Variants in PSMF1 observed in about 807,000 individuals in gnomAD.
PSMF1 encodes proteasome inhibitor subunit 1.
In PSMF1, 30 loss-of-function variants were observed where a neutral mutation model predicts 29.3. The ratio of observed to expected loss-of-function variants is 1.02; its 90% CI spans 0.77 to 1.39. The LOEUF (loss-of-function observed/expected upper bound fraction) is 1.39. Ranked by LOEUF, PSMF1 falls within the 40% of genes most tolerant of loss-of-function variation. The probability of loss-of-function intolerance (pLI) is 0.00; values close to 1 mark genes in which losing one functional copy is unlikely to be tolerated. For missense variants in PSMF1, 344 were observed against 357.5 expected (o/e 0.96, Z 0.31); for synonymous variants, 134 against 139.7 (o/e 0.96, Z 0.29).
At chr20:1,144,099 G>GA (rs984753727) in intron 4 of PSMF1, among the ~76,000 whole-genome samples, 5 of 151,702 alleles carry the variant, frequency 3.3e-5, no homozygotes, top group Admixed American at 6.6e-5. Flanking sequence ...CCCAAAAAAA[G>GA]AAAAAAATGG....
rs1180147729 is a variant in PSMF1, at chr20:1,168,905, A to C, written c.*3825A>C. On this transcript the variant is annotated 3_prime_UTR_variant, in exon 7 of 7. Coordinates refer to ENST00000335877, the MANE Select transcript of PSMF1 (RefSeq NM_006814.5). ...TATCCCCAGCTGTTTCTGTCATAAA[A>C]CTTGCATGTGTATAAACCACTATTG... Among the ~76,000 whole-genome samples, 1 of 152,144 alleles carries C rather than the reference A, an allele frequency of 6.6e-6. No homozygotes were observed. Among genetic ancestry groups the C allele is most frequent in the Non-Finnish European group, 1.5e-5 (1 of 68,034 alleles).
chr20:1,153,977 A>G (rs1600168103), intron 4 of PSMF1, among the ~76,000 whole-genome samples: 1 of 152,224 alleles, frequency 6.6e-6, no homozygotes, highest in East Asian at 1.9e-4. Context: ...GTAGTTACGC[A>G]TGCATACCCC....
chr20:1,148,800 A>T (rs1256690416), intron 4 of PSMF1, among the ~76,000 whole-genome samples: 2 of 152,086 alleles, frequency 1.3e-5, no homozygotes, highest in Non-Finnish European at 2.9e-5. Flanking sequence ...CTTACACTGG[A>T]GGACCTCAAA....
intron 1 of PSMF1, among the ~76,000 whole-genome samples, chr20:1,120,809 C>G (rs1289023080): frequency 1.3e-5 from 2 of 152,192 alleles, no homozygotes; most frequent in East Asian, 3.9e-4. Context: ...ATGTACCTCA[C>G]TCCCCTTACC....
upstream of PSMF1, chr20:1,117,825 T>C (rs2086027218): frequency 6.6e-6 from 1 of 152,098 alleles, no homozygotes; most frequent in Non-Finnish European, 1.5e-5. Context: ...GTAAAAACAA[T>C]AAGTGGATTT....
chr20:1,160,573 C>T, intron 4 of PSMF1: 5 of 468,926 alleles, frequency 1.1e-5, no homozygotes, highest in South Asian at 6.4e-5. Context: ...CCAGCTCCTC[C>T]ACCGATCACA....
At chr20:1,146,402 A>G (rs990171227) in intron 4 of PSMF1, among the ~76,000 whole-genome samples, 1 of 151,846 alleles carries the variant, frequency 6.6e-6, no homozygotes, top group African/African-American at 2.4e-5. Flanking sequence ...GACAAAAATG[A>G]TTTGTCTGGA....
chr20:1,161,720 G>T, intron 4 of PSMF1: 1 of 582,192 alleles, frequency 1.7e-6, no homozygotes, highest in Non-Finnish European at 3.2e-6. Context: ...CAGATGTGTA[G>T]CATTTGCTGC....
upstream of PSMF1, among the ~76,000 whole-genome samples, chr20:1,116,847 C>G (rs962021073): frequency 2.0e-5 from 3 of 151,364 alleles, no homozygotes; most frequent in Non-Finnish European, 4.4e-5. Context: ...CTGGGAAGCC[C>G]TCTGTTGAGG....
intron 1 of PSMF1, among the ~76,000 whole-genome samples, chr20:1,121,648 G>A (rs1405863486): frequency 2.0e-5 from 3 of 152,166 alleles, no homozygotes; most frequent in Non-Finnish European, 4.4e-5. Flanking sequence ...TGATAAGAAG[G>A]AGAGGAAGGT....
At chr20:1,148,610 A>G (rs1465971961) in intron 4 of PSMF1, among the ~76,000 whole-genome samples, 1 of 152,156 alleles carries the variant, frequency 6.6e-6, no homozygotes, top group African/African-American at 2.4e-5. Flanking sequence ...AAATTTCATA[A>G]TCCATTTACT....
At chr20:1,132,627 A>T (rs1361051637) in intron 3 of PSMF1, among the ~76,000 whole-genome samples, 1 of 152,000 alleles carries the variant, frequency 6.6e-6, no homozygotes, top group East Asian at 1.9e-4. Context: ...TCTATGAAAA[A>T]CCTTGCTAGG....
intron 4 of PSMF1, among the ~76,000 whole-genome samples, chr20:1,144,799 G>A (rs1376254184): frequency 6.6e-6 from 1 of 152,182 alleles, no homozygotes; most frequent in Non-Finnish European, 1.5e-5. Context: ...GTTATTAAGG[G>A]GAGTAGCATG....
At chr20:1,132,310 A>G (rs1170132352) in intron 3 of PSMF1, among the ~76,000 whole-genome samples, 5 of 150,912 alleles carry the variant, frequency 3.3e-5, no homozygotes, top group Admixed American at 6.6e-5. Context: ...CTGTGTCTCA[A>G]AAAGGCTCAG....
chr20:1,141,547 G>T (rs2086380450), intron 4 of PSMF1, among the ~76,000 whole-genome samples: 1 of 151,818 alleles, frequency 6.6e-6, no homozygotes, highest in South Asian at 2.1e-4. Flanking sequence ...ATATTTTAAG[G>T]ACTCATCATC....
intron 4 of PSMF1, among the ~76,000 whole-genome samples, chr20:1,160,409 A>T (rs1224468660): frequency 6.6e-6 from 1 of 152,114 alleles, no homozygotes; most frequent in Non-Finnish European, 1.5e-5. Flanking sequence ...AGTTTCCTTG[A>T]TTAATGTCTT....
chr20:1,144,396 ATAGT>A (rs1350623993), intron 4 of PSMF1, among the ~76,000 whole-genome samples: 2 of 152,358 alleles, frequency 1.3e-5, no homozygotes, highest in East Asian at 1.9e-4. Context: ...CGTGTACATA[ATAGT>A]TAGCTCCAGG....
At chr20:1,138,082 C>T (rs2086330512) in intron 4 of PSMF1, among the ~76,000 whole-genome samples, 1 of 151,950 alleles carries the variant, frequency 6.6e-6, no homozygotes, top group African/African-American at 2.4e-5. Context: ...TTATTAATAC[C>T]AGTTCTTCAC....
In PSMF1 at chr20:1,164,404, G is replaced by A. The variant is rs548193213; in HGVS notation, c.692G>A (p.Arg231Gln). 39 of 1,614,134 alleles carry A rather than the reference G, an allele frequency of 2.4e-5. No individual in the cohort carries two copies. Among genetic ancestry groups the A allele is most frequent in the Middle Eastern group, 1.6e-4 (1 of 6,062 alleles). ...LIDPSSGLPN[R>Q]LPPGAVPPGA... Reference sequence around the variant, plus strand: ...GACCCTTCCTCAGGCCTCCCGAACCGACTTCCTCCAGGCGCTGTGCCCCCA... The same window carrying A: ...GACCCTTCCTCAGGCCTCCCGAACCAACTTCCTCCAGGCGCTGTGCCCCCA... Residue 231 changes from arginine to glutamine, a missense_variant, in exon 6 of 7, where the codon CGA becomes CAA. By Grantham distance (43) the Arg-to-Gln change is conservative (BLOSUM62 1). Coordinates refer to ENST00000335877, the MANE Select transcript of PSMF1 (RefSeq NM_006814.5). This position sits in a 1 kb window ranked among gnomAD's most constrained non-coding sequence, Gnocchi z 4.1.
Sources: gnomAD v4.1 joint callset for allele counts (sites outside exome capture counted in the v4.1 genomes callset) on GRCh38, gnomAD v4.1.1 for gene constraint, Gnocchi (gnomAD v3.1) non-coding constraint, MANE v1.5 for transcripts, NCBI Gene and HGNC (gene_info 2026-07-23, HGNC 2026-07-21) for gene names.